Variants in TTLL9 observed in about 807,000 individuals in gnomAD.
TTLL9 encodes probable tubulin polyglutamylase TTLL9.
In TTLL9, 47 loss-of-function variants were observed where a neutral mutation model predicts 65.6. That is an observed-to-expected ratio of 0.72 (90% CI 0.57 to 0.91). The LOEUF (loss-of-function observed/expected upper bound fraction) is 0.91. TTLL9 is among the 40% of genes least tolerant of loss of function. The probability of loss-of-function intolerance (pLI) is 0.00; values close to 1 mark genes in which losing one functional copy is unlikely to be tolerated. For synonymous variants in TTLL9, 179 were observed against 204.8 expected (o/e 0.87, Z 1.07); for missense variants, 537 against 568.8 (o/e 0.94, Z 0.57).
intron 3 of TTLL9, among the ~76,000 whole-genome samples, chr20:31,893,577 C>T (rs1045634569): frequency 2.0e-5 from 3 of 152,108 alleles, no homozygotes; most frequent in Admixed American, 6.5e-5. Flanking sequence ...AGGCGTAAGC[C>T]ACTGCGCCTA....
At chr20:31,915,808 C>T (rs140279236) in intron 6 of TTLL9, among the ~76,000 whole-genome samples, 6 of 151,914 alleles carry the variant, frequency 3.9e-5, no homozygotes, top group Non-Finnish European at 7.4e-5. Flanking sequence ...GTGTCTGGCA[C>T]AGAGTAAACA....
chr20:31,873,836 G>GAAAGAAAA (rs1555800267), intron 2 of TTLL9, among the ~76,000 whole-genome samples: 5 of 111,028 alleles, frequency 4.5e-5, no homozygotes, highest in East Asian at 2.2e-4. Context: ...AAGAAAGAAA[G>GAAAGAAAA]AAAGAAAGAA....
intron 2 of TTLL9, among the ~76,000 whole-genome samples, chr20:31,876,152 A>AT (rs2063034830): frequency 6.6e-6 from 1 of 152,190 alleles, no homozygotes; most frequent in Non-Finnish European, 1.5e-5. Flanking sequence ...GTATTTTATT[A>AT]TTAGAATATC....
At chr20:31,878,473 A>G (rs187964122) in intron 2 of TTLL9, among the ~76,000 whole-genome samples, 39 of 152,362 alleles carry the variant, frequency 2.6e-4, no homozygotes, top group Admixed American at 5.9e-4. Flanking sequence ...CAATTCCAGT[A>G]CTAGTAGTGG....
intron 3 of TTLL9, 42 bp downstream of exon 3, chr20:31,887,281 C>T: frequency 6.2e-7 from 1 of 1,603,674 alleles, no homozygotes; most frequent in Non-Finnish European, 8.5e-7. Context: ...GCGCAACCAA[C>T]TTCTCTCCCT....
intron 10 of TTLL9, among the ~76,000 whole-genome samples, chr20:31,930,621 C>T (rs572046066): frequency 6.6e-6 from 1 of 152,306 alleles, no homozygotes; most frequent in South Asian, 2.1e-4. Context: ...TCTGTGGTCA[C>T]TGATTCTTTA....
intron 2 of TTLL9, among the ~76,000 whole-genome samples, chr20:31,873,964 C>T (rs372332405): frequency 2.0e-5 from 3 of 152,180 alleles, no homozygotes; most frequent in Admixed American, 1.3e-4. Flanking sequence ...CGATCCTAGG[C>T]GGGTGAGCCA....
chr20:31,923,521 G>T (rs536150972), intron 8 of TTLL9, among the ~76,000 whole-genome samples: 6 of 152,304 alleles, frequency 3.9e-5, no homozygotes, highest in Admixed American at 3.3e-4. Flanking sequence ...CCAGGAGGTG[G>T]ACATGTGAGC....
intron 2 of TTLL9, among the ~76,000 whole-genome samples, chr20:31,883,217 T>G (rs2063143049): frequency 6.7e-6 from 1 of 148,438 alleles, no homozygotes; most frequent in Non-Finnish European, 1.5e-5. Flanking sequence ...TTTTTTTTTT[T>G]GAAACAGAGT....
At chr20:31,934,398 A>G (rs1482530419) in intron 11 of TTLL9, 1 of 582,042 alleles carries the variant, frequency 1.7e-6, no homozygotes. Context: ...TGGCCTTGGG[A>G]TGCACACATG....
At chr20:31,914,824 T>A (rs929441586) in intron 6 of TTLL9, among the ~76,000 whole-genome samples, 11 of 152,194 alleles carry the variant, frequency 7.2e-5, no homozygotes, top group Non-Finnish European at 1.2e-4. Flanking sequence ...GCTTAGTCAC[T>A]GACTGGGAGC....
chr20:31,871,253 G>T (rs2062926660), intron 2 of TTLL9, 58 bp downstream of exon 2: 2 of 1,568,796 alleles, frequency 1.3e-6, no homozygotes, highest in Non-Finnish European at 1.8e-6. Flanking sequence ...ACTACATCAG[G>T]ATGTATTAAT....
chr20:31,893,901 G>A, intron 3 of TTLL9, among the ~76,000 whole-genome samples: 1 of 151,860 alleles, frequency 6.6e-6, no homozygotes, highest in Non-Finnish European at 1.5e-5. Flanking sequence ...ATGTTAGACT[G>A]CTTGATATTA....
In TTLL9 at chr20:31,909,780, G is replaced by C. The variant is rs202200190; in HGVS notation, c.362G>C (p.Arg121Pro). Reference sequence around the variant, plus strand: ...ATGGTGAAGAACCTGAAGCGGTTCCGGAAGCAGCTGGAGCGTGAGGCAGGA... The same window carrying C: ...ATGGTGAAGAACCTGAAGCGGTTCCCGAAGCAGCTGGAGCGTGAGGCAGGA... ...NYMVKNLKRF[R>P]KQLEREAGKL... Residue 121 changes from arginine to proline, a missense_variant, in exon 6 of 15, where the codon CGG (arginine) becomes CCG (proline). Coordinates refer to ENST00000535842, the MANE Select transcript of TTLL9 (RefSeq NM_001008409.5). 7 of 1,614,038 alleles carry C rather than the reference G, an allele frequency of 4.3e-6. No individual in the cohort carries two copies. In the African/African-American group the frequency reaches 5.3e-5, roughly 12 times the overall value.
chr20:31,908,487 G>A, intron 4 of TTLL9, 104 bp from the exon 5 acceptor site: 1 of 735,380 alleles, frequency 1.4e-6, no homozygotes. Flanking sequence ...GGGACACAGT[G>A]CTGTGTACCC....
chr20:31,924,665 C>T (rs1231407546), intron 8 of TTLL9, among the ~76,000 whole-genome samples: 1 of 152,078 alleles, frequency 6.6e-6, no homozygotes, highest in Non-Finnish European at 1.5e-5. Flanking sequence ...GCTCATGCAG[C>T]CTCCATCTCC....
At chr20:31,926,687 G>A (rs73102628) in intron 10 of TTLL9, among the ~76,000 whole-genome samples, 2,969 of 152,354 alleles carry the variant, frequency 0.019, 48 homozygotes, top group Non-Finnish European at 0.029. Flanking sequence ...CTATGAAGCT[G>A]TTAAAAAGGA....
chr20:31,912,010 C>A (rs1419589163), intron 6 of TTLL9, among the ~76,000 whole-genome samples: 2 of 152,064 alleles, frequency 1.3e-5, no homozygotes, highest in African/African-American at 4.8e-5. Context: ...GGTCACTCGA[C>A]CCCCTTAAGT....
Position 31,944,526 on chromosome 20 carries a change from A to G in TTLL9, c.*1505A>G, listed in dbSNP as rs1248300486. On this transcript the variant is annotated 3_prime_UTR_variant, in exon 15 of 15. Coordinates refer to ENST00000535842, the MANE Select transcript of TTLL9 (RefSeq NM_001008409.5). ...GCTTGCACAAAAATTATTAGCTTATAAGACACCAGCCTTCCCCTTGCTTTC... is the reference window on the plus strand; with the variant it reads ...GCTTGCACAAAAATTATTAGCTTATGAGACACCAGCCTTCCCCTTGCTTTC... 1 of 152,162 alleles carries G rather than the reference A, an allele frequency of 6.6e-6. No individual in the cohort carries two copies. The highest frequency in any genetic ancestry group is 1.5e-5 in the Non-Finnish European group (1 of 67,996). 9.4% of individuals were successfully genotyped at this position (152,162 alleles called of 1,614,324 possible).
Sources: allele counts gnomAD v4.1 joint callset (sites outside exome capture counted in the v4.1 genomes callset), GRCh38; gene constraint gnomAD v4.1.1; transcripts MANE v1.5; gene names NCBI Gene and HGNC (gene_info 2026-07-23, HGNC 2026-07-21).